The following GALNT10 variants were observed in gnomAD, a reference collection of about 807,000 sequenced individuals.
GALNT10 encodes polypeptide N-acetylgalactosaminyltransferase 10.
In GALNT10, 41 loss-of-function variants were observed where a neutral mutation model predicts 75.0. The observed-to-expected ratio is 0.55, with a 90% CI of 0.43 to 0.71. The LOEUF (loss-of-function observed/expected upper bound fraction) is 0.71. Among genes scored for constraint, GALNT10 ranks in the 30% least tolerant of loss-of-function variants. The pLI is 0.00. For synonymous variants in GALNT10, 302 were observed against 313.0 expected, an observed-to-expected ratio of 0.96 and a Z score of 0.37; for missense variants, 727 against 818.5, an observed-to-expected ratio of 0.89 and a Z score of 1.36.
intron 1 of GALNT10, among the ~76,000 whole-genome samples, chr5:154,206,813 G>A (rs1484410080): frequency 6.6e-6 from 1 of 152,238 alleles, no homozygotes; most frequent in African/African-American, 2.4e-5. Context: ...GCCTGCAGGA[G>A]GCAAGGAAGC....
At chr5:154,356,143 G>A (rs1210290509) in intron 4 of GALNT10, 1 of 456,266 alleles carries the variant, frequency 2.2e-6, no homozygotes, top group Non-Finnish European at 4.4e-6. Flanking sequence ...GATTATGTCT[G>A]CAATTACAGA....
rs988250543 is a variant in GALNT10 at position 154,372,869 on chromosome 5, A to G, written c.569-3408A>G. ...CCACAGAATCCATCTGTCAGCTCTG[A>G]TAAGTGCTCATCTAACACCTGTGTA... On this transcript the variant is annotated intron_variant, in intron 4 of 11. Transcript: ENST00000297107. 2.0e-5 allele frequency among the ~76,000 whole-genome samples: 3 copies of G among 152,218 alleles called. No individual in the cohort carries two copies. The South Asian group carries it at 6.2e-4, about 31-fold the overall frequency.
chr5:154,397,857 C>T (rs1318679643), intron 7 of GALNT10, among the ~76,000 whole-genome samples: 3 of 152,194 alleles, frequency 2.0e-5, no homozygotes, highest in Admixed American at 6.5e-5. Flanking sequence ...CCTGCCCTCT[C>T]GGGTTCCCCT....
At chr5:154,314,843 G>C (rs924943282) in intron 3 of GALNT10, among the ~76,000 whole-genome samples, 3 of 151,656 alleles carry the variant, frequency 2.0e-5, no homozygotes, top group Admixed American at 2.0e-4. Context: ...TTTTTAAAAT[G>C]ATAATTTCCT....
At chr5:154,247,450 A>T (rs1470237768) in intron 1 of GALNT10, among the ~76,000 whole-genome samples, 4 of 152,162 alleles carry the variant, frequency 2.6e-5, no homozygotes, top group African/African-American at 9.7e-5. Flanking sequence ...TGAGCATGGA[A>T]TGTTCTTCTA....
chr5:154,287,457 C>T (rs981810909), intron 1 of GALNT10: 3 of 152,096 alleles, frequency 2.0e-5, no homozygotes, highest in Non-Finnish European at 4.4e-5. Flanking sequence ...CCTACCCCTT[C>T]TCTCAGGTTC....
intron 1 of GALNT10, among the ~76,000 whole-genome samples, chr5:154,219,826 T>TCA: frequency 2.6e-5 from 2 of 78,218 alleles, no homozygotes; most frequent in Admixed American, 4.0e-4. Flanking sequence ...TCTCTCTCTC[T>TCA]CTCTCTCTCT....
At chr5:154,274,911 C>G (rs1753926691) in intron 1 of GALNT10, among the ~76,000 whole-genome samples, 1 of 152,194 alleles carries the variant, frequency 6.6e-6, no homozygotes, top group Non-Finnish European at 1.5e-5. Flanking sequence ...GCCTCTCCCC[C>G]AGCCATCATA....
chr5:154,276,390 C>T (rs1035421584), intron 1 of GALNT10, among the ~76,000 whole-genome samples: 1 of 152,220 alleles, frequency 6.6e-6, no homozygotes, highest in Admixed American at 6.5e-5. Context: ...TCTCTCTCTT[C>T]AAATCACTTT....
At chr5:154,220,981 A>C (rs1167701652) in intron 1 of GALNT10, among the ~76,000 whole-genome samples, 1 of 152,238 alleles carries the variant, frequency 6.6e-6, no homozygotes, top group East Asian at 1.9e-4. Context: ...TGCAGGCCAA[A>C]TAAAGCCATC....
In GALNT10 at chr5:154,376,367, C is replaced by T; in HGVS notation, c.659C>T (p.Thr220Ile). Residue 220 changes from threonine to isoleucine, a missense_variant, in exon 5 of 12, where the codon ACC (threonine) becomes ATC (isoleucine). Transcript: ENST00000297107. The surrounding 1 kb of genome is among the most constrained non-coding windows in gnomAD (Gnocchi z 4.1). ...RTKKREGLIR[T>I]RMLGASVATG... ...AAGAAACGGGAAGGGCTGATAAGGA[C>T]CCGAATGCTGGGGGCCTCAGTGGCA... 1 of 1,610,742 alleles carries T rather than the reference C, an allele frequency of 6.2e-7. No homozygotes were observed. The highest frequency in any genetic ancestry group is 8.5e-7 in the Non-Finnish European group (1 of 1,178,502).
intron 1 of GALNT10, among the ~76,000 whole-genome samples, chr5:154,197,452 G>GT (rs1438202776): frequency 6.6e-6 from 1 of 152,108 alleles, no homozygotes; most frequent in Admixed American, 6.5e-5. Context: ...GGGTGGGTGT[G>GT]TATTTATGCG....
rs111930981 is a variant in GALNT10 at position 154,191,151 on chromosome 5, C to T, written c.159+126C>T. 1.4e-3 allele frequency: 916 copies of T among 642,804 alleles called. 13 individuals are homozygous for T. In the African/African-American group the frequency reaches 0.016, roughly 11 times the overall value. The allele number at this position is 642,804 out of a possible 1,614,324, so 39.8% of individuals were successfully genotyped here. ...TCAGCTCCGAGACTCTTCAGCTCTT[C>T]CCATTTTCCGGATGGGAAAATTAAG... On this transcript the variant is annotated intron_variant, in intron 1 of 11. Transcript: ENST00000297107.
chr5:154,286,723 G>A (rs1481461620), intron 1 of GALNT10, among the ~76,000 whole-genome samples: 1 of 152,152 alleles, frequency 6.6e-6, no homozygotes, highest in East Asian at 1.9e-4. Context: ...TTAGAGAAGG[G>A]CCAGATTTCA....
At chr5:154,316,999 T>C (rs960776996) in intron 3 of GALNT10, among the ~76,000 whole-genome samples, 2 of 152,194 alleles carry the variant, frequency 1.3e-5, no homozygotes, top group African/African-American at 4.8e-5. Flanking sequence ...TCCCTCCCCA[T>C]GGCTGTTTTA....
chr5:154,387,910 T>TTTTG (rs947811640), intron 7 of GALNT10: 2 of 9,038 alleles, frequency 2.2e-4, no homozygotes, highest in Non-Finnish European at 4.4e-4. Context: ...TTTTCTTTTG[T>TTTTG]TTTTTTTTTT....
intron 1 of GALNT10, chr5:154,217,999 G>A (rs758198165): frequency 3.5e-5 from 34 of 984,684 alleles, no homozygotes; most frequent in Non-Finnish European, 3.7e-5. Flanking sequence ...ATCATTCCAT[G>A]TGGTTTCTTC....
intron 3 of GALNT10, among the ~76,000 whole-genome samples, chr5:154,322,268 G>A (rs1003379771): frequency 3.3e-5 from 5 of 152,046 alleles, no homozygotes; most frequent in Admixed American, 6.5e-5. Context: ...ATCAGCTGCC[G>A]ACTGTTCCCA....
intron 4 of GALNT10, among the ~76,000 whole-genome samples, chr5:154,331,582 C>T (rs1460536398): frequency 6.6e-6 from 1 of 152,168 alleles, no homozygotes; most frequent in Non-Finnish European, 1.5e-5. Context: ...AGGACAGTAC[C>T]TGGCACAGAG....
Sources: gnomAD v4.1 joint callset for allele counts (sites outside exome capture counted in the v4.1 genomes callset) on GRCh38, gnomAD v4.1.1 for gene constraint, Gnocchi (gnomAD v3.1) non-coding constraint, MANE v1.5 for transcripts, NCBI Gene and HGNC (gene_info 2026-07-23, HGNC 2026-07-21) for gene names.